FOXP1: variants seen among roughly 807,000 people sequenced by gnomAD.
The protein encoded by FOXP1 is forkhead box protein P1.
A neutral mutation model predicts 98.2 loss-of-function variants in FOXP1; 15 were observed. That is an observed-to-expected ratio of 0.15 (90% CI 0.10 to 0.24). FOXP1 has a LOEUF of 0.24. Among genes scored for constraint, FOXP1 ranks in the 10% least tolerant of loss-of-function variants. The probability of loss-of-function intolerance (pLI) is 1.00; values close to 1 mark genes in which losing one functional copy is unlikely to be tolerated. For missense variants in FOXP1, 633 were observed against 848.5 expected (o/e 0.75, Z 3.15); for synonymous variants, 371 against 314.5 (o/e 1.18, Z -1.90).
intron 3 of FOXP1, among the ~76,000 whole-genome samples, chr3:71,471,142 G>A (rs559115911): frequency 4.6e-5 from 7 of 152,274 alleles, no homozygotes; most frequent in African/African-American, 1.7e-4. Flanking sequence ...CCTACTGTGT[G>A]CTAGATGGTT....
chr3:71,373,086 GA>G lies in FOXP1; in HGVS notation c.-167-13843del, dbSNP rs1158280955. 2.0e-5 allele frequency among the ~76,000 whole-genome samples: 3 copies of G among 152,100 alleles called. No homozygotes were observed. In the East Asian group the frequency reaches 5.8e-4, roughly 29 times the overall value. ...GAGCTCCTCTACCCTGGACGACTCC[GA>G]AAAACCACTTGTAAGTATTCTATGT... On this transcript the variant is annotated intron_variant, in intron 3 of 20. Coordinates refer to ENST00000649528, the MANE Select transcript of FOXP1 (RefSeq NM_001349338.3).
intron 4 of FOXP1, among the ~76,000 whole-genome samples, chr3:71,342,781 C>A (rs567498805): frequency 4.6e-5 from 7 of 151,910 alleles, no homozygotes; most frequent in Non-Finnish European, 8.8e-5. Flanking sequence ...CAAGAAGTTG[C>A]AAAAATAGTA....
At chr3:71,327,193 T>C (rs1336677457) in intron 4 of FOXP1, among the ~76,000 whole-genome samples, 2 of 151,220 alleles carry the variant, frequency 1.3e-5, no homozygotes, top group East Asian at 3.9e-4. Context: ...CAGAAATGCT[T>C]GTGAAGGGAA....
rs552489663 is a variant in FOXP1, at chr3:71,496,293, GC to G, written c.-297-2739del. Among the ~76,000 whole-genome samples the G allele has an allele frequency of 2.9e-3, 446 of 152,268 alleles. 2 individuals are homozygous for G. Among genetic ancestry groups the G allele is most frequent in the Non-Finnish European group, 4.2e-3 (289 of 68,024 alleles). On this transcript the variant is annotated intron_variant, in intron 2 of 20. Coordinates refer to ENST00000649528, the MANE Select transcript of FOXP1 (RefSeq NM_001349338.3). Reference sequence around the variant, plus strand: ...ACAGTAGGTGTCTGGGCAGATAAGAGCTTTCTAGAAGAATTCATTATCTTGA... The same window carrying G: ...ACAGTAGGTGTCTGGGCAGATAAGAGTTTCTAGAAGAATTCATTATCTTGA...
In FOXP1 at chr3:71,084,759, G is replaced by A. The variant is rs1022361153; in HGVS notation, c.282+27777C>T. Among the ~76,000 whole-genome samples the A allele has an allele frequency of 3.9e-5, 6 of 152,048 alleles. No individual in the cohort carries two copies. The South Asian group carries it at 6.2e-4, about 16-fold the overall frequency. The stretch of plus-strand genomic sequence containing the variant: ...TAAAATAAATCATTGTTGGCCAGGC[G>A]CAGTGGCTCATGCCTGTAATCCCAG... On this transcript the variant is annotated intron_variant, in intron 7 of 20. Coordinates refer to ENST00000649528, the MANE Select transcript of FOXP1 (RefSeq NM_001349338.3).
At position 71,237,567 on chromosome 3, in the gene FOXP1, C is replaced by G. The variant is rs17008390; in HGVS notation, c.-11-39175G>C. 8.9e-3 allele frequency among the ~76,000 whole-genome samples: 1,353 copies of G among 152,292 alleles called. 11 individuals carry two copies. Among genetic ancestry groups the G allele is most frequent in the Non-Finnish European group, 0.014 (926 of 68,020 alleles). ...ACTGACACTTTACATACTGTCATCA[C>G]TTCCCATGCTTGAATTGGGATTGCA... On this transcript the variant is annotated intron_variant, in intron 5 of 20. Coordinates refer to ENST00000649528, the MANE Select transcript of FOXP1 (RefSeq NM_001349338.3).
intron 2 of FOXP1, among the ~76,000 whole-genome samples, chr3:71,527,347 G>A (rs2043472709): frequency 6.6e-6 from 1 of 152,216 alleles, no homozygotes; most frequent in Non-Finnish European, 1.5e-5. Context: ...GACAGACAGA[G>A]CCCTGCCTTC....
At chr3:71,470,619 G>A (rs1357314041) in intron 3 of FOXP1, among the ~76,000 whole-genome samples, 1 of 152,030 alleles carries the variant, frequency 6.6e-6, no homozygotes, top group Non-Finnish European at 1.5e-5. Flanking sequence ...CGCTCCTGTA[G>A]TCCCAGCTAT....
intron 2 of FOXP1, among the ~76,000 whole-genome samples, chr3:71,513,108 G>A (rs573123398): frequency 1.2e-4 from 19 of 152,176 alleles, no homozygotes; most frequent in African/African-American, 4.1e-4. Flanking sequence ...CTTAACTCCA[G>A]ATGTGTGTAC....
intron 2 of FOXP1, among the ~76,000 whole-genome samples, chr3:71,511,515 AC>A (rs2042203929): frequency 1.3e-5 from 2 of 151,696 alleles, no homozygotes; most frequent in Admixed American, 6.6e-5. Context: ...AAAAAAAATT[AC>A]CCCAACCCCA....
intron 3 of FOXP1, among the ~76,000 whole-genome samples, chr3:71,359,795 G>A (rs190372669): frequency 1.8e-4 from 27 of 152,172 alleles, no homozygotes; most frequent in Admixed American, 3.9e-4. Flanking sequence ...ACAAAGTGCT[G>A]CAATTATTTT....
intron 2 of FOXP1, among the ~76,000 whole-genome samples, chr3:71,577,069 G>A (rs141560327): frequency 6.6e-6 from 1 of 152,280 alleles, no homozygotes; most frequent in East Asian, 1.9e-4. Flanking sequence ...ACAACAGTGC[G>A]TGCGAAGAAC....
Position 70,956,774 on chromosome 3 carries a change from A to C in FOXP1, c.*2473T>G, listed in dbSNP as rs780171188. 4.1e-5 allele frequency: 2 copies of C among 49,328 alleles called. No individual in the cohort carries two copies. The highest frequency in any genetic ancestry group is 7.7e-5 in the Non-Finnish European group (2 of 25,926). 3.1% of individuals were successfully genotyped at this position (49,328 alleles called of 1,614,324 possible). On this transcript the variant is annotated 3_prime_UTR_variant, in exon 21 of 21. Transcript: ENST00000649528. ...TTTTTTTTTTTTTTTTTTTTTTTTT[A>C]AAGTCTTGCGTGACCACAGACTGCC...
intron 6 of FOXP1, among the ~76,000 whole-genome samples, chr3:71,144,560 C>A (rs544300299): frequency 6.6e-6 from 1 of 152,260 alleles, no homozygotes; most frequent in Admixed American, 6.5e-5. Flanking sequence ...AAAGGCTGAG[C>A]GTGATTGTGC....
intron 3 of FOXP1, among the ~76,000 whole-genome samples, chr3:71,395,495 C>A (rs1371546872): frequency 1.3e-5 from 2 of 151,654 alleles, no homozygotes; most frequent in African/African-American, 4.9e-5. Context: ...GACCTCAGCT[C>A]AAAAGTCACC....
Position 71,173,896 on chromosome 3 carries a change from G to A in FOXP1, c.180+24306C>T, listed in dbSNP as rs571220339. The stretch of plus-strand genomic sequence containing the variant: ...ATGGTGGGAAGGATGAAATGGGGAA[G>A]TTTTTGTTGTAATTGTTGTTGAAGA... On this transcript the variant is annotated intron_variant, in intron 6 of 20. Coordinates refer to ENST00000649528, the MANE Select transcript of FOXP1 (RefSeq NM_001349338.3). Among the ~76,000 whole-genome samples, 11 of 152,290 alleles carry A rather than the reference G, an allele frequency of 7.2e-5. No individual in the cohort carries two copies. In the South Asian group the frequency reaches 1.5e-3, roughly 20 times the overall value.
intron 5 of FOXP1, among the ~76,000 whole-genome samples, chr3:71,239,322 T>C (rs2067056067): frequency 6.6e-6 from 1 of 152,096 alleles, no homozygotes; most frequent in Non-Finnish European, 1.5e-5. Flanking sequence ...GGTAGGCAGA[T>C]CACGAGGTCA....
chr3:71,302,995 C>G (rs1021318421), intron 4 of FOXP1: 1 of 152,080 alleles, frequency 6.6e-6, no homozygotes, highest in Non-Finnish European at 1.5e-5. Flanking sequence ...TATATTTTGC[C>G]CTTAATTTAA....
intron 6 of FOXP1, among the ~76,000 whole-genome samples, chr3:71,117,748 G>A (rs1214054918): frequency 6.6e-6 from 1 of 152,180 alleles, no homozygotes; most frequent in Non-Finnish European, 1.5e-5. Context: ...ACTCTTGGGT[G>A]GTTCCTGGGT....
Sources: gnomAD v4.1 joint callset for allele counts (sites outside exome capture counted in the v4.1 genomes callset) on GRCh38, gnomAD v4.1.1 for gene constraint, MANE v1.5 for transcripts, NCBI Gene and HGNC (gene_info 2026-07-23, HGNC 2026-07-21) for gene names.